RBFOX1: variants seen among roughly 807,000 people sequenced by gnomAD.
RBFOX1 encodes the protein RNA binding protein fox-1 homolog 1.
A neutral mutation model predicts 57.7 loss-of-function variants in RBFOX1; 8 were observed. That is an observed-to-expected ratio of 0.14 (90% confidence interval 0.08 to 0.25). The LOEUF (loss-of-function observed/expected upper bound fraction) is 0.25. Ranked by LOEUF, RBFOX1 falls within the 10% of genes least tolerant of loss-of-function variation. The probability of loss-of-function intolerance (pLI) is 1.00; values close to 1 mark genes in which losing one functional copy is unlikely to be tolerated. For missense variants in RBFOX1, 611 were observed against 548.5 expected, an observed-to-expected ratio of 1.11 and a Z score of -1.14; for synonymous variants, 326 against 222.4, an observed-to-expected ratio of 1.47 and a Z score of -4.15.
intron 4 of RBFOX1, among the ~76,000 whole-genome samples, chr16:7,182,236 G>T (rs1271787338): frequency 6.6e-6 from 1 of 152,128 alleles, no homozygotes; most frequent in Non-Finnish European, 1.5e-5. Flanking sequence ...TTACAGGGTT[G>T]CTAGTTTACC....
intron 3 of RBFOX1, among the ~76,000 whole-genome samples, chr16:6,802,508 C>G (rs775246649): frequency 2.0e-4 from 31 of 152,064 alleles, no homozygotes; most frequent in Non-Finnish European, 3.2e-4. Flanking sequence ...AAAACCCTGT[C>G]TCTACTTAAA....
chr16:7,215,993 G>C (rs575972267), intron 4 of RBFOX1, among the ~76,000 whole-genome samples: 30 of 152,268 alleles, frequency 2.0e-4, no homozygotes, highest in African/African-American at 7.0e-4. Flanking sequence ...AAAGTGCTGA[G>C]ATTACAGGCG....
At chr16:7,513,207 G>C (rs929645322) in intron 4 of RBFOX1, among the ~76,000 whole-genome samples, 2 of 152,096 alleles carry the variant, frequency 1.3e-5, no homozygotes, top group Non-Finnish European at 2.9e-5. Context: ...AGGTTGCAGT[G>C]AGCCGAGAGC....
intron 3 of RBFOX1, among the ~76,000 whole-genome samples, chr16:6,823,187 C>G (rs1428968266): frequency 6.6e-6 from 1 of 152,032 alleles, no homozygotes; most frequent in Admixed American, 6.6e-5. Flanking sequence ...GCCTGTGTTC[C>G]TTCTTAAGCA....
chr16:5,755,995 G>T (rs1003762046), intron 3 of RBFOX1, among the ~76,000 whole-genome samples: 2 of 152,054 alleles, frequency 1.3e-5, no homozygotes, highest in African/African-American at 4.8e-5. Context: ...GACCTCAGAG[G>T]TCATGGTGAA....
At chr16:7,599,332 T>C (rs976596793) in intron 9 of RBFOX1, among the ~76,000 whole-genome samples, 1 of 152,248 alleles carries the variant, frequency 6.6e-6, no homozygotes, top group Non-Finnish European at 1.5e-5. Context: ...TAGCTGCTCA[T>C]GTGTGCTGAG....
chr16:6,229,694 G>T (rs1307733436), intron 1 of RBFOX1, among the ~76,000 whole-genome samples: 1 of 147,520 alleles, frequency 6.8e-6, no homozygotes, highest in Non-Finnish European at 1.5e-5. Flanking sequence ...TTTCCTTCCA[G>T]ATTTTCAAGG....
Position 7,205,215 on chromosome 16 carries a change from G to C in RBFOX1, c.27+153117G>C, listed in dbSNP as rs116201617. Among the ~76,000 whole-genome samples, 311 of 152,154 alleles carry C rather than the reference G, an allele frequency of 2.0e-3. 1 individual carries two copies. The highest frequency in any genetic ancestry group is 7.1e-3 in the African/African-American group (296 of 41,534). On this transcript the variant is annotated intron_variant, in intron 4 of 15. Coordinates refer to ENST00000550418, the MANE Select transcript of RBFOX1 (RefSeq NM_018723.4). Reference sequence around the variant, plus strand: ...ATGAATATTTTGGAAAACTCCAGTTGAGTGAAAATGTATGGAAATGGGCGG... The same window carrying C: ...ATGAATATTTTGGAAAACTCCAGTTCAGTGAAAATGTATGGAAATGGGCGG...
chr16:7,100,103 C>G (rs951576028), intron 4 of RBFOX1, among the ~76,000 whole-genome samples: 30 of 150,694 alleles, frequency 2.0e-4, no homozygotes, highest in Non-Finnish European at 3.7e-4. Context: ...GATTTACATA[C>G]TAAATAAAGC....
chr16:5,543,278 A>G (rs191841761), intron 2 of RBFOX1, among the ~76,000 whole-genome samples: 1 of 152,224 alleles, frequency 6.6e-6, no homozygotes, highest in Non-Finnish European at 1.5e-5. Flanking sequence ...AGTATCAAAA[A>G]TGTTAGAATT....
chr16:6,586,683 AGGGATAC>A (rs1421149716), intron 2 of RBFOX1, among the ~76,000 whole-genome samples: 1 of 152,168 alleles, frequency 6.6e-6, no homozygotes, highest in East Asian at 1.9e-4. Flanking sequence ...GGCTTCCAGC[AGGGATAC>A]GCTTACATCA....
chr16:6,653,625 GTGGATGGATGGATGAA>G (rs899066960), intron 2 of RBFOX1, among the ~76,000 whole-genome samples: 8 of 151,958 alleles, frequency 5.3e-5, no homozygotes, highest in Admixed American at 2.6e-4. Flanking sequence ...AGATGGATGG[GTGGATGGATGGATGAA>G]TGGATGGATG....
chr16:6,528,423 A>C (rs922433095), intron 2 of RBFOX1, among the ~76,000 whole-genome samples: 1 of 152,208 alleles, frequency 6.6e-6, no homozygotes, highest in African/African-American at 2.4e-5. Flanking sequence ...TTGCAGAGCC[A>C]ATAAAACATG....
At chr16:5,812,832 T>A (rs762446858) in intron 3 of RBFOX1, among the ~76,000 whole-genome samples, 1 of 152,134 alleles carries the variant, frequency 6.6e-6, no homozygotes, top group Non-Finnish European at 1.5e-5. Context: ...TAATTTGCAT[T>A]TTCCTCGTGA....
intron 4 of RBFOX1, among the ~76,000 whole-genome samples, chr16:7,275,342 G>T (rs2095420200): frequency 6.6e-6 from 1 of 152,138 alleles, no homozygotes; most frequent in African/African-American, 2.4e-5. Context: ...GTTACCCTCT[G>T]CTTAACCATT....
At chr16:5,971,326 G>A (rs960385567) in intron 4 of RBFOX1, among the ~76,000 whole-genome samples, 2 of 152,214 alleles carry the variant, frequency 1.3e-5, no homozygotes, top group East Asian at 1.9e-4. Context: ...ATGTGTGGAC[G>A]TTATCCTCAA....
At chr16:6,790,939 T>C (rs920990461) in intron 3 of RBFOX1, among the ~76,000 whole-genome samples, 2 of 152,094 alleles carry the variant, frequency 1.3e-5, no homozygotes, top group Non-Finnish European at 2.9e-5. Context: ...GGGGTCTGAC[T>C]GTGTCACCCA....
intron 2 of RBFOX1, among the ~76,000 whole-genome samples, chr16:5,544,919 A>C (rs1428560784): frequency 6.8e-6 from 1 of 146,804 alleles, no homozygotes; most frequent in Non-Finnish European, 1.5e-5. Context: ...CACAAAGACA[A>C]ATACAGGTAT....
intron 1 of RBFOX1, among the ~76,000 whole-genome samples, chr16:5,410,799 A>G (rs1458889363): frequency 6.6e-6 from 1 of 152,052 alleles, no homozygotes; most frequent in Non-Finnish European, 1.5e-5. Flanking sequence ...AATTCTTTCC[A>G]CTGTTCAAAC....
Sources: gnomAD v4.1 joint callset for allele counts (sites outside exome capture counted in the v4.1 genomes callset) on GRCh38, gnomAD v4.1.1 for gene constraint, MANE v1.5 for transcripts, NCBI Gene and HGNC (gene_info 2026-07-23, HGNC 2026-07-21) for gene names.